The following NELL1 variants were observed in gnomAD, a reference collection of about 807,000 sequenced individuals.
NELL1 encodes neural EGFL like 1, also known as protein kinase C-binding protein NELL1.
NELL1 carries 76 observed loss-of-function variants against 107.4 expected under a neutral mutation model. The observed-to-expected ratio is 0.71, with a 90% CI of 0.59 to 0.86. The LOEUF is 0.86. Ranked by LOEUF, NELL1 falls within the 40% of genes least tolerant of loss-of-function variation. The probability of loss-of-function intolerance (pLI) is 0.00; values close to 1 mark genes in which losing one functional copy is unlikely to be tolerated. For missense variants in NELL1, 1,024 were observed against 1,005.5 expected, an observed-to-expected ratio of 1.02 and a Z score of -0.25; for synonymous variants, 353 against 341.2, an observed-to-expected ratio of 1.03 and a Z score of -0.38.
chr11:21,397,630 A>G (rs1286594123), intron 15 of NELL1, among the ~76,000 whole-genome samples: 1 of 151,712 alleles, frequency 6.6e-6, no homozygotes, highest in Non-Finnish European at 1.5e-5. Context: ...TAGGTTTTAT[A>G]GCCATGTGTG....
intron 14 of NELL1, among the ~76,000 whole-genome samples, chr11:21,354,258 C>G (rs1850879908): frequency 6.6e-6 from 1 of 152,110 alleles, no homozygotes; most frequent in Non-Finnish European, 1.5e-5. Flanking sequence ...GGGGCAGGGA[C>G]AGTATTGTCT....
At chr11:20,684,983 A>G (rs1854273829) in intron 2 of NELL1, among the ~76,000 whole-genome samples, 2 of 151,936 alleles carry the variant, frequency 1.3e-5, no homozygotes, top group South Asian at 2.1e-4. Flanking sequence ...ATTTTCTAAC[A>G]TGTATGCACA....
At chr11:20,692,536 C>G (rs144939758) in intron 2 of NELL1, among the ~76,000 whole-genome samples, 57,218 of 146,292 alleles carry the variant, frequency 0.39, 13,072 homozygotes, top group African/African-American at 0.62. Flanking sequence ...CCTTCATTTC[C>G]TTATGTACCC....
At chr11:21,241,949 G>A (rs556792475) in intron 14 of NELL1, among the ~76,000 whole-genome samples, 24 of 139,230 alleles carry the variant, frequency 1.7e-4, no homozygotes, top group South Asian at 1.1e-3. Context: ...ACAGCTAGAC[G>A]TTTACTTCCA....
chr11:20,815,380 C>A (rs1247943468), intron 3 of NELL1, among the ~76,000 whole-genome samples: 1 of 152,132 alleles, frequency 6.6e-6, no homozygotes, highest in African/African-American at 2.4e-5. Flanking sequence ...GCCACCGTGC[C>A]TGCCTGTGGT....
chr11:21,574,402 T>C lies in NELL1; in HGVS notation c.2383-570T>C, dbSNP rs374643953. Among the ~76,000 whole-genome samples the C allele has an allele frequency of 3.9e-5, 6 of 151,942 alleles. No individual in the cohort carries two copies. In the South Asian group the frequency reaches 8.3e-4, roughly 21 times the overall value. Reference sequence around the variant, plus strand: ...GACCAGGACACAGGGAGACCTCTGTTACTTATTTGATAATTATGTGGAATT... The same window carrying C: ...GACCAGGACACAGGGAGACCTCTGTCACTTATTTGATAATTATGTGGAATT... On this transcript the variant is annotated intron_variant, in intron 19 of 19. Coordinates refer to ENST00000357134, the MANE Select transcript of NELL1 (RefSeq NM_006157.5).
At chr11:20,939,087 T>C (rs962782252) in intron 10 of NELL1, among the ~76,000 whole-genome samples, 3 of 151,992 alleles carry the variant, frequency 2.0e-5, no homozygotes, top group African/African-American at 7.3e-5. Flanking sequence ...CCTAAGGTTA[T>C]GATTGAAGGC....
chr11:21,383,217 C>T (rs1851652655), intron 15 of NELL1, among the ~76,000 whole-genome samples: 1 of 152,016 alleles, frequency 6.6e-6, no homozygotes, highest in East Asian at 1.9e-4. Flanking sequence ...ATTAATCAAA[C>T]AGCAAGGTCT....
chr11:21,429,267 G>T (rs953867777), intron 15 of NELL1, among the ~76,000 whole-genome samples: 1 of 152,130 alleles, frequency 6.6e-6, no homozygotes, highest in African/African-American at 2.4e-5. Flanking sequence ...ACATCTCTAA[G>T]ACAATTATGT....
chr11:21,507,520 C>A (rs1484422373), intron 15 of NELL1, among the ~76,000 whole-genome samples: 5 of 152,042 alleles, frequency 3.3e-5, no homozygotes, highest in Non-Finnish European at 7.4e-5. Flanking sequence ...ATGTTGGATT[C>A]AAATAGATAC....
chr11:20,986,102 CT>C (rs1851847754), intron 12 of NELL1, among the ~76,000 whole-genome samples: 1 of 152,156 alleles, frequency 6.6e-6, no homozygotes, highest in South Asian at 2.1e-4. Context: ...AATTTGATGC[CT>C]GTTGGCAGAG....
intron 7 of NELL1, among the ~76,000 whole-genome samples, chr11:20,923,222 T>G (rs996661516): frequency 3.3e-5 from 5 of 152,030 alleles, no homozygotes; most frequent in African/African-American, 1.2e-4. Context: ...ACCAAACAGA[T>G]GTAGATACCA....
chr11:21,286,739 T>C lies in NELL1; in HGVS notation c.1549+57285T>C, dbSNP rs1849127491. Among the ~76,000 whole-genome samples the C allele has an allele frequency of 2.6e-5, 4 of 152,322 alleles. No individual in the cohort carries two copies. In the South Asian group the frequency reaches 8.3e-4, roughly 32 times the overall value. ...TGCAGTGACACCTAGTACACCATAG[T>C]AAAATTTTTCATTTCCACTGTTAGA... On this transcript the variant is annotated intron_variant, in intron 14 of 19. Coordinates refer to ENST00000357134, the MANE Select transcript of NELL1 (RefSeq NM_006157.5).
At chr11:21,500,660 A>G (rs900733594) in intron 15 of NELL1, among the ~76,000 whole-genome samples, 5 of 152,088 alleles carry the variant, frequency 3.3e-5, no homozygotes, top group Non-Finnish European at 5.9e-5. Context: ...CTCTGTTATA[A>G]TTTATCCTTA....
At chr11:20,804,101 A>G (rs1857334113) in intron 3 of NELL1, among the ~76,000 whole-genome samples, 1 of 152,154 alleles carries the variant, frequency 6.6e-6, no homozygotes, top group East Asian at 1.9e-4. Flanking sequence ...GCCCCTCTAG[A>G]GAACCCTTAC....
intron 4 of NELL1, among the ~76,000 whole-genome samples, chr11:20,857,056 A>G (rs1848894656): frequency 1.3e-5 from 2 of 152,212 alleles, no homozygotes; most frequent in Admixed American, 6.5e-5. Flanking sequence ...GGGAAGGCTC[A>G]TCGCTATTAT....
intron 2 of NELL1, among the ~76,000 whole-genome samples, chr11:20,755,559 T>TTTTTTTTTTTTTATTTA (rs1337491294): frequency 0.021 from 364 of 17,608 alleles, 5 homozygotes; most frequent in East Asian, 0.15. Context: ...TGTTTTTGTT[T>TTTTTTTTTTTTTATTTA]TTGTTTTTTT....
intron 13 of NELL1, among the ~76,000 whole-genome samples, chr11:21,184,071 G>A (rs1856882894): frequency 6.6e-6 from 1 of 151,816 alleles, no homozygotes; most frequent in Admixed American, 6.6e-5. Flanking sequence ...AGGAACGTGT[G>A]ACTGGGAACC....
intron 14 of NELL1, among the ~76,000 whole-genome samples, chr11:21,328,199 G>T (rs975647911): frequency 6.6e-6 from 1 of 152,080 alleles, no homozygotes; most frequent in African/African-American, 2.4e-5. Flanking sequence ...TTATGGGCTG[G>T]ACCTATGGCC....
Sources: gnomAD v4.1 joint callset for allele counts (sites outside exome capture counted in the v4.1 genomes callset) on GRCh38, gnomAD v4.1.1 for gene constraint, MANE v1.5 for transcripts, NCBI Gene and HGNC (gene_info 2026-07-23, HGNC 2026-07-21) for gene names.